OXCT1: variants seen among roughly 807,000 people sequenced by gnomAD.
The protein encoded by OXCT1 is 3-oxoacid CoA-transferase 1.
A neutral mutation model predicts 69.6 loss-of-function variants in OXCT1; 27 were observed. The ratio of observed to expected loss-of-function variants is 0.39; its 90% CI spans 0.29 to 0.54. The LOEUF (loss-of-function observed/expected upper bound fraction) is 0.54. Ranked by LOEUF, OXCT1 falls within the 20% of genes least tolerant of loss-of-function variation. The probability of loss-of-function intolerance (pLI) is 0.72; values close to 1 mark genes in which losing one functional copy is unlikely to be tolerated. For missense variants in OXCT1, 437 were observed against 650.2 expected (o/e 0.67, Z 3.57); for synonymous variants, 202 against 217.8 (o/e 0.93, Z 0.64).
chr5:41,771,781 C>G (rs1744882152), intron 13 of OXCT1, among the ~76,000 whole-genome samples: 1 of 152,126 alleles, frequency 6.6e-6, no homozygotes, highest in Non-Finnish European at 1.5e-5. Context: ...TACCCAGAAA[C>G]AGAATAAATT....
intron 4 of OXCT1, among the ~76,000 whole-genome samples, chr5:41,853,096 T>A (rs1373196807): frequency 5.3e-5 from 8 of 152,088 alleles, no homozygotes. Flanking sequence ...AATAAATTCC[T>A]ATAAATTAAC....
chr5:41,836,324 T>C (rs1748360794), intron 7 of OXCT1, among the ~76,000 whole-genome samples: 1 of 152,182 alleles, frequency 6.6e-6, no homozygotes, highest in African/African-American at 2.4e-5. Flanking sequence ...AGTAGCTACC[T>C]AGGTCCATAA....
rs144490922 is a variant in OXCT1 at position 41,864,220 on chromosome 5, C to T, written c.79-1470G>A. On this transcript the variant is annotated intron_variant, in intron 1 of 16. Transcript: ENST00000196371. Reference sequence around the variant, plus strand: ...TCACCTCTCCTTTATTCTCACTATACAGCCAGGCTAAAAAGAAAGAATAAC... The same window carrying T: ...TCACCTCTCCTTTATTCTCACTATATAGCCAGGCTAAAAAGAAAGAATAAC... Among the ~76,000 whole-genome samples the T allele has an allele frequency of 1.5e-3, 222 of 152,300 alleles. 1 individual carries two copies. Among genetic ancestry groups the T allele is most frequent in the African/African-American group, 5.2e-3 (216 of 41,550 alleles).
At chr5:41,739,557 A>T in intron 15 of OXCT1, 66 bp from the exon 16 acceptor site, 2 of 1,227,972 alleles carry the variant, frequency 1.6e-6, no homozygotes, top group Non-Finnish European at 2.4e-6. Flanking sequence ...ATGGCACAAA[A>T]CAGAAATAAC....
At chr5:41,844,772 C>G (rs1748811848) in intron 5 of OXCT1, among the ~76,000 whole-genome samples, 1 of 151,928 alleles carries the variant, frequency 6.6e-6, no homozygotes, top group African/African-American at 2.4e-5. Flanking sequence ...ACACCCCTTA[C>G]CTATCTACCA....
chr5:41,792,188 G>A (rs921818780), intron 13 of OXCT1, among the ~76,000 whole-genome samples: 1 of 152,288 alleles, frequency 6.6e-6, no homozygotes, highest in Middle Eastern at 3.4e-3. Context: ...ATTGTCACAT[G>A]TATTCCTTCA....
chr5:41,839,886 C>G (rs2112397421), intron 7 of OXCT1, among the ~76,000 whole-genome samples: 1 of 152,248 alleles, frequency 6.6e-6, no homozygotes, highest in Non-Finnish European at 1.5e-5. Flanking sequence ...ATGTTACAAC[C>G]AAAATGGCAC....
chr5:41,850,278 A>G, intron 4 of OXCT1, 99 bp from the exon 5 acceptor site: 2 of 1,356,280 alleles, frequency 1.5e-6, no homozygotes, highest in Middle Eastern at 2.5e-4. Flanking sequence ...GAGGCTTATA[A>G]TTCTAAAAAG....
At chr5:41,851,838 A>G (rs1749189217) in intron 4 of OXCT1, among the ~76,000 whole-genome samples, 1 of 152,230 alleles carries the variant, frequency 6.6e-6, no homozygotes, top group Admixed American at 6.5e-5. Flanking sequence ...AGAATACTGT[A>G]TCTTAACCTA....
intron 13 of OXCT1, among the ~76,000 whole-genome samples, chr5:41,775,341 C>A (rs977389521): frequency 4.6e-5 from 7 of 152,166 alleles, no homozygotes; most frequent in African/African-American, 1.7e-4. Context: ...CAATAATTTG[C>A]TATAACAGCT....
chr5:41,764,145 C>T (rs892143142), intron 13 of OXCT1, among the ~76,000 whole-genome samples: 30 of 152,122 alleles, frequency 2.0e-4, no homozygotes, highest in African/African-American at 6.8e-4. Flanking sequence ...CTTTAAAGCA[C>T]TATTTTGATT....
intron 1 of OXCT1, among the ~76,000 whole-genome samples, chr5:41,863,231 T>C (rs187582611): frequency 5.4e-4 from 82 of 152,286 alleles, no homozygotes; most frequent in African/African-American, 2.0e-3. Context: ...TTTTGGAACA[T>C]ATTCCCCTTG....
At chr5:41,780,002 G>A (rs1458589704) in intron 13 of OXCT1, among the ~76,000 whole-genome samples, 1 of 152,140 alleles carries the variant, frequency 6.6e-6, no homozygotes, top group Non-Finnish European at 1.5e-5. Context: ...ATTTACAAAT[G>A]TAGAACTAGT....
chr5:41,853,359 G>A (rs1265064235), intron 4 of OXCT1, 60 bp downstream of exon 4: 15 of 1,497,498 alleles, frequency 1.0e-5, no homozygotes, highest in South Asian at 2.3e-5. Flanking sequence ...AAATTTCCAC[G>A]GAGAAAAAAG....
chr5:41,827,213 T>C (rs949613970), intron 7 of OXCT1, among the ~76,000 whole-genome samples: 6 of 152,182 alleles, frequency 3.9e-5, no homozygotes, highest in African/African-American at 1.2e-4. Context: ...CAAATGCCTA[T>C]ATACCTACCT....
At chr5:41,820,225 C>A (rs1273444605) in intron 7 of OXCT1, among the ~76,000 whole-genome samples, 2 of 152,116 alleles carry the variant, frequency 1.3e-5, no homozygotes, top group Non-Finnish European at 2.9e-5. Context: ...TATAGGGTGG[C>A]ATTTTTCACC....
intron 7 of OXCT1, among the ~76,000 whole-genome samples, chr5:41,837,162 C>G (rs1289906188): frequency 6.6e-6 from 1 of 151,982 alleles, no homozygotes; most frequent in African/African-American, 2.4e-5. Context: ...AGTCAAAACT[C>G]AAATCACCAG....
intron 13 of OXCT1, among the ~76,000 whole-genome samples, chr5:41,786,999 TAAAC>T (rs754373617): frequency 5.9e-5 from 9 of 152,162 alleles, no homozygotes; most frequent in Admixed American, 1.3e-4. Flanking sequence ...GGCTGCCCCT[TAAAC>T]AATCCCAGAG....
rs146618946 is a variant in OXCT1, at chr5:41,850,679, AAAAC to A, written c.415-504_415-501del. The stretch of plus-strand genomic sequence containing the variant: ...TTTATCTACAAATCGTCTAAGAAAA[AAAAC>A]AAAGTGAAAAATACAGCATACTGGT... On this transcript the variant is annotated intron_variant, in intron 4 of 16. Transcript: ENST00000196371. Among the ~76,000 whole-genome samples, 1,192 of 152,312 alleles carry A rather than the reference AAAAC, an allele frequency of 7.8e-3. 17 individuals are homozygous for A. Among genetic ancestry groups the A allele is most frequent in the African/African-American group, 0.027 (1,142 of 41,566 alleles).
Sources: gnomAD v4.1 joint callset for allele counts (sites outside exome capture counted in the v4.1 genomes callset) on GRCh38, gnomAD v4.1.1 for gene constraint, MANE v1.5 for transcripts, NCBI Gene and HGNC (gene_info 2026-07-23, HGNC 2026-07-21) for gene names.